Variants in KHDRBS2 observed in about 807,000 individuals in gnomAD.
KHDRBS2 encodes the protein KH domain-containing, RNA-binding, signal transduction-associated protein 2.
KHDRBS2 carries 26 observed loss-of-function variants against 44.3 expected under a neutral mutation model. That is an observed-to-expected ratio of 0.59 (90% confidence interval 0.43 to 0.81). The LOEUF is 0.81. Ranked by LOEUF, KHDRBS2 falls within the 40% of genes least tolerant of loss-of-function variation. The probability of loss-of-function intolerance (pLI) is 0.00; values close to 1 mark genes in which losing one functional copy is unlikely to be tolerated. For synonymous variants in KHDRBS2, 194 were observed against 151.1 expected (o/e 1.28, Z -2.08); for missense variants, 476 against 433.1 (o/e 1.10, Z -0.88).
At chr6:62,239,020 G>T (rs1487968324) in intron 1 of KHDRBS2, among the ~76,000 whole-genome samples, 1 of 152,152 alleles carries the variant, frequency 6.6e-6, no homozygotes, top group Non-Finnish European at 1.5e-5. Context: ...GAAAGACAAA[G>T]ATGTTAGGGA....
chr6:61,692,764 C>A (rs570998470), intron 8 of KHDRBS2, among the ~76,000 whole-genome samples: 1 of 152,206 alleles, frequency 6.6e-6, no homozygotes, highest in Non-Finnish European at 1.5e-5. Context: ...GAATGCAGAA[C>A]CCTGCCATTC....
At chr6:61,549,102 C>CT in the KHDRBS2 span, among the ~76,000 whole-genome samples, 1 of 152,072 alleles carries the variant, frequency 6.6e-6, no homozygotes, top group South Asian at 2.1e-4. Context: ...ATGCAATGAC[C>CT]TTAGGATTGT....
At chr6:61,876,858 T>C (rs748566891) in intron 6 of KHDRBS2, among the ~76,000 whole-genome samples, 12 of 152,016 alleles carry the variant, frequency 7.9e-5, no homozygotes, top group Admixed American at 1.3e-4. Flanking sequence ...AACTTAAAAT[T>C]CCAGGGACTT....
At chr6:61,842,108 T>C (rs769452269) in intron 6 of KHDRBS2, among the ~76,000 whole-genome samples, 2 of 152,190 alleles carry the variant, frequency 1.3e-5, no homozygotes, top group Non-Finnish European at 2.9e-5. Context: ...AATTGCTGCC[T>C]TATTACTTTC....
chr6:61,742,848 G>A (rs1248425315), intron 6 of KHDRBS2, among the ~76,000 whole-genome samples: 1 of 152,018 alleles, frequency 6.6e-6, no homozygotes, highest in Non-Finnish European at 1.5e-5. Flanking sequence ...CTAATAAAAG[G>A]AAGCTATTCT....
chr6:61,607,413 T>A, the KHDRBS2 span, among the ~76,000 whole-genome samples: 1 of 147,592 alleles, frequency 6.8e-6, no homozygotes, highest in Non-Finnish European at 1.5e-5. Flanking sequence ...ATTAGTTGAT[T>A]TTAAAAAACA....
intron 4 of KHDRBS2, among the ~76,000 whole-genome samples, chr6:61,963,055 C>T (rs1174022772): frequency 6.6e-6 from 1 of 152,076 alleles, no homozygotes; most frequent in East Asian, 1.9e-4. Context: ...CCAAACACCA[C>T]ATAAGCTGGT....
chr6:62,004,349 C>T (rs1274633559), intron 3 of KHDRBS2, among the ~76,000 whole-genome samples: 2 of 152,062 alleles, frequency 1.3e-5, no homozygotes, highest in East Asian at 1.9e-4. Flanking sequence ...GAAATACAAA[C>T]TACCATCAGA....
At chr6:62,196,519 T>C (rs923497701) in intron 1 of KHDRBS2, among the ~76,000 whole-genome samples, 16 of 152,250 alleles carry the variant, frequency 1.1e-4, no homozygotes, top group Admixed American at 5.9e-4. Context: ...CCAAGCTCCC[T>C]GTACAGACTC....
intron 6 of KHDRBS2, among the ~76,000 whole-genome samples, chr6:61,881,786 C>A (rs765608063): frequency 6.6e-6 from 1 of 151,982 alleles, no homozygotes; most frequent in Admixed American, 6.6e-5. Context: ...GGCTAAGGCA[C>A]CAACAAATTG....
intron 6 of KHDRBS2, among the ~76,000 whole-genome samples, chr6:61,870,288 G>A (rs369481768): frequency 6.6e-6 from 1 of 152,152 alleles, no homozygotes; most frequent in East Asian, 1.9e-4. Flanking sequence ...AAGTTCGAAC[G>A]GGACGGAGCC....
chr6:61,777,104 C>G (rs1448753697), intron 6 of KHDRBS2, among the ~76,000 whole-genome samples: 4 of 150,094 alleles, frequency 2.7e-5, no homozygotes, highest in Admixed American at 2.0e-4. Context: ...CACATGGACA[C>G]AGGAAGGGGA....
At chr6:61,786,613 G>A (rs894370278) in intron 6 of KHDRBS2, among the ~76,000 whole-genome samples, 1 of 151,962 alleles carries the variant, frequency 6.6e-6, no homozygotes, top group Non-Finnish European at 1.5e-5. Flanking sequence ...ATCTTGAGGT[G>A]GGTCTTGCAA....
At chr6:61,654,540 A>C in the KHDRBS2 span, among the ~76,000 whole-genome samples, 2 of 151,696 alleles carry the variant, frequency 1.3e-5, no homozygotes, top group African/African-American at 4.8e-5. Flanking sequence ...AACAGGGTTC[A>C]ATTAGGAAAA....
chr6:61,972,899 A>G (rs1173424762), intron 4 of KHDRBS2, among the ~76,000 whole-genome samples: 1 of 152,180 alleles, frequency 6.6e-6, no homozygotes, highest in Non-Finnish European at 1.5e-5. Context: ...TCATCCCAGC[A>G]TTTTAGGAGG....
chr6:62,048,121 TACAC>T lies in KHDRBS2; in HGVS notation c.220-131_220-128del, dbSNP rs58133580. 9.9e-3 allele frequency: 4,020 copies of T among 404,578 alleles called. 15 individuals carry two copies. Among genetic ancestry groups the T allele is most frequent in the South Asian group, 0.042 (1,404 of 33,142 alleles). 25.1% of individuals were successfully genotyped at this position (404,578 alleles called of 1,614,324 possible). ...TGAGAAGAGAGTCATGCCATAAACA[TACAC>T]ACACACACACACACACACACACACA... is the stretch of plus-strand genomic sequence containing the variant. On this transcript the variant is annotated intron_variant, in intron 2 of 8. Coordinates refer to ENST00000281156, the MANE Select transcript of KHDRBS2 (RefSeq NM_152688.4).
rs139303982 is a variant in KHDRBS2, at chr6:61,857,037, A to G, written c.810+37598T>C. On this transcript the variant is annotated intron_variant, in intron 6 of 8. Transcript: ENST00000281156. ...GTGAAGAATGGATTTTAAAAAAAGGATTCTTGTTTTAGGGCACACTTCATC... is the reference window on the plus strand; with the variant it reads ...GTGAAGAATGGATTTTAAAAAAAGGGTTCTTGTTTTAGGGCACACTTCATC... Among the ~76,000 whole-genome samples, 9 of 152,208 alleles carry G rather than the reference A, an allele frequency of 5.9e-5. No homozygotes were observed. The East Asian group carries it at 1.7e-3, about 29-fold the overall frequency.
intron 2 of KHDRBS2, among the ~76,000 whole-genome samples, chr6:62,068,513 T>G (rs188118789): frequency 2.6e-5 from 4 of 151,702 alleles, no homozygotes; most frequent in Admixed American, 2.6e-4. Context: ...TTAAAAAATT[T>G]TAATAGTCTA....
chr6:62,180,364 A>T (rs1247821771), intron 1 of KHDRBS2, among the ~76,000 whole-genome samples: 9 of 151,912 alleles, frequency 5.9e-5, no homozygotes, highest in Non-Finnish European at 1.3e-4. Flanking sequence ...TATAAAATCA[A>T]CATCCAAAAA....
Sources: allele counts gnomAD v4.1 joint callset (sites outside exome capture counted in the v4.1 genomes callset), GRCh38; gene constraint gnomAD v4.1.1; transcripts MANE v1.5; gene names NCBI Gene and HGNC (gene_info 2026-07-23, HGNC 2026-07-21).